Variants in CPB2 observed in about 807,000 individuals in gnomAD.
CPB2 encodes carboxypeptidase B2, also known as carboxypeptidase B-like protein.
CPB2 carries 54 observed loss-of-function variants against 57.0 expected under a neutral mutation model. The observed-to-expected ratio is 0.95, with a 90% CI of 0.76 to 1.19. The LOEUF is 1.19. Among genes scored for constraint, CPB2 ranks in the 50% most tolerant of loss-of-function variants. CPB2 has a pLI of 0.00. For synonymous variants in CPB2, 189 were observed against 178.1 expected (o/e 1.06, Z -0.49); for missense variants, 426 against 512.0 (o/e 0.83, Z 1.62).
intron 10 of CPB2, 118 bp from the exon 11 acceptor site, chr13:46,053,916 T>C: frequency 4.2e-6 from 4 of 960,086 alleles, no homozygotes; most frequent in Non-Finnish European, 6.1e-6. Flanking sequence ...TTTCAGTTTT[T>C]AACTAATATA....
At chr13:46,073,272 A>G (rs1021827873) in intron 6 of CPB2, among the ~76,000 whole-genome samples, 2 of 152,126 alleles carry the variant, frequency 1.3e-5, no homozygotes, top group African/African-American at 4.8e-5. Flanking sequence ...TGCCCATTTT[A>G]TAGGATTTGA....
intron 10 of CPB2, among the ~76,000 whole-genome samples, chr13:46,054,816 T>G (rs1399329778): frequency 7.5e-6 from 1 of 132,846 alleles, no homozygotes; most frequent in Admixed American, 7.8e-5. Context: ...AGTTGCACAA[T>G]CTCAGCTCAT....
chr13:46,102,796 A>C (rs764476120), intron 1 of CPB2, among the ~76,000 whole-genome samples: 6 of 152,134 alleles, frequency 3.9e-5, no homozygotes, highest in Admixed American at 2.6e-4. Context: ...CAGTGAAGGG[A>C]TGGGAACCAG....
rs117188827 is a variant in CPB2, at chr13:46,081,082, C to T, written c.384+1359G>A. On this transcript the variant is annotated intron_variant, in intron 4 of 10. Coordinates refer to ENST00000181383, the MANE Select transcript of CPB2 (RefSeq NM_001872.5). ...CCTCAGTAGAAACCAAACCTACTGA[C>T]ACCTTGATCTTCTAGCCTCTAGAAT... 4.9e-3 allele frequency among the ~76,000 whole-genome samples: 738 copies of T among 151,572 alleles called. 2 individuals are homozygous for T. The highest frequency in any genetic ancestry group is 6.8e-3 in the Non-Finnish European group (463 of 67,954).
At chr13:46,088,176 G>T (rs910916864) in intron 1 of CPB2, among the ~76,000 whole-genome samples, 7 of 152,162 alleles carry the variant, frequency 4.6e-5, no homozygotes, top group African/African-American at 1.7e-4. Flanking sequence ...ATGAATGCCT[G>T]TGAACCCATC....
rs940037902 is a variant in CPB2 at position 46,076,414 on chromosome 13, A to G, written c.486+2386T>C. Among the ~76,000 whole-genome samples the G allele has an allele frequency of 2.6e-5, 4 of 151,988 alleles. No individual in the cohort carries two copies. In the East Asian group the frequency reaches 7.7e-4, roughly 29 times the overall value. Reference sequence around the variant, plus strand: ...CAATGACCAAAAAAAAAAACCTATAATAAATCTAACCAAAGAAGTGAAAGA... The same window carrying G: ...CAATGACCAAAAAAAAAAACCTATAGTAAATCTAACCAAAGAAGTGAAAGA... On this transcript the variant is annotated intron_variant, in intron 5 of 10. Coordinates refer to ENST00000181383, the MANE Select transcript of CPB2 (RefSeq NM_001872.5).
At chr13:46,098,509 G>C (rs2045394749) in intron 1 of CPB2, 1 of 152,202 alleles carries the variant, frequency 6.6e-6, no homozygotes, top group Non-Finnish European at 1.5e-5. Context: ...ACGTTTTGCT[G>C]CCTAGATCTC....
intron 1 of CPB2, among the ~76,000 whole-genome samples, chr13:46,095,306 C>G (rs1295469817): frequency 7.6e-6 from 1 of 131,900 alleles, no homozygotes; most frequent in Non-Finnish European, 1.6e-5. Context: ...AACCTCCCAG[C>G]CAAGATATCA....
At chr13:46,060,131 C>T (rs1009629589) in intron 8 of CPB2, among the ~76,000 whole-genome samples, 4 of 152,068 alleles carry the variant, frequency 2.6e-5, no homozygotes, top group Non-Finnish European at 5.9e-5. Flanking sequence ...ATGCAAGTCA[C>T]ATATTTACTT....
chr13:46,053,417 T>A lies in CPB2; in HGVS notation c.*197A>T, dbSNP rs2044611464. On this transcript the variant is annotated 3_prime_UTR_variant, in exon 11 of 11. Coordinates refer to ENST00000181383, the MANE Select transcript of CPB2 (RefSeq NM_001872.5). ...GTAACTAGACTTTTACAATTTTTTT[T>A]AAAGGGTAAAAAGACATGAACCCTA... The A allele has an allele frequency of 2.9e-6, 2 of 699,834 alleles. No individual in the cohort carries two copies. The highest frequency in any genetic ancestry group is 4.1e-6 in the Non-Finnish European group (2 of 489,056). The allele number at this position is 699,834 out of a possible 1,614,324, so 43.4% of individuals were successfully genotyped here. A position where few individuals can be genotyped will look rare whatever the true frequency, so the allele number is the denominator to read the frequency against.
chr13:46,099,219 A>C (rs2045404029), intron 1 of CPB2: 1 of 152,204 alleles, frequency 6.6e-6, no homozygotes, highest in Non-Finnish European at 1.5e-5. Flanking sequence ...ATCAGAGCTC[A>C]AGGAAGGAGA....
intron 6 of CPB2, among the ~76,000 whole-genome samples, chr13:46,072,437 A>G (rs544431803): frequency 2.0e-4 from 30 of 152,316 alleles, no homozygotes; most frequent in African/African-American, 6.7e-4. Context: ...ATGTCGATTT[A>G]AAAAGCCCTT....
In CPB2 at chr13:46,053,719, C is replaced by T. The variant is rs897186196; in HGVS notation, c.1167G>A (p.Thr389=). ...CCGGCAGCAAGAATCCGTATGTGCCCGTATCTCGAAGTTCAATTGTAAACG... is the reference window on the plus strand; with the variant it reads ...CCGGCAGCAAGAATCCGTATGTGCCTGTATCTCGAAGTTCAATTGTAAACG... ...KYSFTIELRD[T]GTYGFLLPER... The change falls in exon 11 of 11, where the codon ACG becomes ACA. Residue 389 remains threonine (T), a synonymous_variant. Coordinates refer to ENST00000181383, the MANE Select transcript of CPB2 (RefSeq NM_001872.5). The T allele has an allele frequency of 6.2e-7, 1 of 1,613,960 alleles. No homozygotes were observed. The highest frequency in any genetic ancestry group is 2.2e-5 in the East Asian group (1 of 44,886).
intron 1 of CPB2, among the ~76,000 whole-genome samples, chr13:46,102,887 A>AAAAT (rs2045453847): frequency 2.6e-5 from 4 of 152,154 alleles, no homozygotes; most frequent in African/African-American, 4.8e-5. Flanking sequence ...AGTATGCAAA[A>AAAAT]GTATTAAATA....
intron 4 of CPB2, among the ~76,000 whole-genome samples, chr13:46,079,109 G>A (rs944107125): frequency 1.3e-5 from 2 of 152,128 alleles, no homozygotes; most frequent in Admixed American, 6.6e-5. Context: ...TTTTGAGAAA[G>A]AGTGAAAAAG....
In CPB2 at chr13:46,053,703, A is replaced by G. The variant is rs779153177; in HGVS notation, c.1183T>C (p.Leu395=). ...ELRDTGTYGF[L]LPERYIKPTC... ...GGTTTGATGTAACGCTCCGGCAGCA[A>G]GAATCCGTATGTGCCCGTATCTCGA... is the stretch of plus-strand genomic sequence containing the variant. Residue 395 remains leucine, a synonymous_variant, in exon 11 of 11, where the codon TTG becomes CTG. Coordinates refer to ENST00000181383, the MANE Select transcript of CPB2 (RefSeq NM_001872.5). 4 of 1,614,086 alleles carry G rather than the reference A, an allele frequency of 2.5e-6. No homozygotes were observed. Among genetic ancestry groups the G allele is most frequent in the South Asian group, 1.1e-5 (1 of 91,084 alleles).
chr13:46,100,037 G>A (rs984246664), intron 1 of CPB2: 5 of 150,504 alleles, frequency 3.3e-5, no homozygotes, highest in African/African-American at 1.2e-4. Flanking sequence ...AAGAAAGAAA[G>A]AAAATAATGA....
rs532295696 is a variant in CPB2, at chr13:46,098,169, G to A, written c.74+6767C>T. On this transcript the variant is annotated intron_variant, in intron 1 of 10. Transcript: ENST00000181383. ...GACAATTGCAGCAGCCATGGCCCAA[G>A]AGGGCCCAGTGATTATGACTCAGAT... Among the ~76,000 whole-genome samples the A allele has an allele frequency of 8.5e-5, 13 of 152,302 alleles. No homozygotes were observed. The South Asian group carries it at 2.7e-3, about 32-fold the overall frequency.
At chr13:46,061,317 G>A (rs2044769561) in intron 8 of CPB2, among the ~76,000 whole-genome samples, 1 of 152,226 alleles carries the variant, frequency 6.6e-6, no homozygotes, top group South Asian at 2.1e-4. Flanking sequence ...TTTAGAAAAT[G>A]TGTGGTGCTA....
Sources: allele counts gnomAD v4.1 joint callset (sites outside exome capture counted in the v4.1 genomes callset), GRCh38; gene constraint gnomAD v4.1.1; transcripts MANE v1.5; gene names NCBI Gene and HGNC (gene_info 2026-07-23, HGNC 2026-07-21).